FLRT1: variants seen among roughly 807,000 people sequenced by gnomAD.
FLRT1 encodes the protein leucine-rich repeat transmembrane protein FLRT1.
Under a neutral mutation model 30.9 loss-of-function variants are expected in FLRT1, and 14 were observed. That is an observed-to-expected ratio of 0.45 (90% CI 0.30 to 0.71). The LOEUF (loss-of-function observed/expected upper bound fraction) is 0.71, where lower values mean the gene tolerates loss of function less well. FLRT1 is among the 30% of genes least tolerant of loss of function. The probability of loss-of-function intolerance (pLI) is 0.08; values close to 1 mark genes in which losing one functional copy is unlikely to be tolerated. For missense variants in FLRT1, 737 were observed against 949.2 expected, an observed-to-expected ratio of 0.78 and a Z score of 2.94; for synonymous variants, 368 against 430.4, an observed-to-expected ratio of 0.85 and a Z score of 1.80.
At chr11:64,080,144 C>T (rs886658936) in intron 1 of FLRT1, among the ~76,000 whole-genome samples, 18 of 152,176 alleles carry the variant, frequency 1.2e-4, no homozygotes, top group South Asian at 1.0e-3. Flanking sequence ...TCCCGAGTAG[C>T]GGGGATTACA....
intron 1 of FLRT1, among the ~76,000 whole-genome samples, chr11:64,098,539 G>A (rs374446891): frequency 3.9e-5 from 6 of 152,238 alleles, no homozygotes; most frequent in African/African-American, 1.4e-4. Context: ...ACTGCTCTCT[G>A]CAATGGGAAA....
chr11:64,042,601 T>A (rs1410619689), intron 1 of FLRT1, among the ~76,000 whole-genome samples: 1 of 152,088 alleles, frequency 6.6e-6, no homozygotes, highest in Non-Finnish European at 1.5e-5. Context: ...TGGCCAGGCC[T>A]GTGGGGGTCT....
At chr11:64,111,726 T>C (rs1178936110) in intron 2 of FLRT1, among the ~76,000 whole-genome samples, 1 of 152,192 alleles carries the variant, frequency 6.6e-6, no homozygotes, top group Non-Finnish European at 1.5e-5. Context: ...TGAAGGCTGA[T>C]GTGTCTAGCT....
intron 1 of FLRT1, among the ~76,000 whole-genome samples, chr11:64,047,029 C>G (rs1440890164): frequency 6.6e-6 from 1 of 152,208 alleles, no homozygotes; most frequent in Non-Finnish European, 1.5e-5. Context: ...GATGCACCAG[C>G]CTCGCCCCAG....
At chr11:64,040,878 C>T (rs1353466962) in intron 1 of FLRT1, among the ~76,000 whole-genome samples, 2 of 152,072 alleles carry the variant, frequency 1.3e-5, no homozygotes, top group African/African-American at 2.4e-5. Flanking sequence ...GCCTCCCAGG[C>T]AGACCGCAGG....
At chr11:64,107,530 T>C (rs1224959853) in intron 2 of FLRT1, among the ~76,000 whole-genome samples, 1 of 147,448 alleles carries the variant, frequency 6.8e-6, no homozygotes, top group African/African-American at 2.4e-5. Context: ...TTATAGTGGA[T>C]TTGCATACCT....
chr11:64,113,823 CATGG>C (rs138768566), intron 2 of FLRT1, among the ~76,000 whole-genome samples: 14 of 113,808 alleles, frequency 1.2e-4, no homozygotes, highest in African/African-American at 4.2e-4. Flanking sequence ...CAGGTGGACG[CATGG>C]ATGGATGGAT....
chr11:64,073,196 C>T (rs1944140449), intron 1 of FLRT1, among the ~76,000 whole-genome samples: 2 of 152,226 alleles, frequency 1.3e-5, no homozygotes, highest in African/African-American at 4.8e-5. Context: ...CTGCTTCTGC[C>T]TAAGTTTACC....
chr11:64,051,318 T>TC (rs1445154756), intron 1 of FLRT1, among the ~76,000 whole-genome samples: 1 of 152,174 alleles, frequency 6.6e-6, no homozygotes, highest in Non-Finnish European at 1.5e-5. Context: ...ACACCTGCCT[T>TC]GACGGCCCTC....
At chr11:64,094,289 G>A (rs1174893960) in intron 1 of FLRT1, among the ~76,000 whole-genome samples, 6 of 152,072 alleles carry the variant, frequency 3.9e-5, no homozygotes, top group Non-Finnish European at 8.8e-5. Context: ...AAAGTTAGCC[G>A]GGCATGGTGA....
chr11:64,050,567 C>T (rs570518029), intron 1 of FLRT1, among the ~76,000 whole-genome samples: 2 of 152,196 alleles, frequency 1.3e-5, no homozygotes, highest in African/African-American at 2.4e-5. Context: ...TCCCTCACAG[C>T]GCTAAGGACA....
At chr11:64,097,853 G>A (rs1231906110) in intron 1 of FLRT1, among the ~76,000 whole-genome samples, 1 of 152,128 alleles carries the variant, frequency 6.6e-6, no homozygotes, top group Non-Finnish European at 1.5e-5. Flanking sequence ...TCAGGACCAG[G>A]CTTGGAGCCC....
At chr11:64,107,696 C>T (rs1944788034) in intron 2 of FLRT1, among the ~76,000 whole-genome samples, 1 of 152,252 alleles carries the variant, frequency 6.6e-6, no homozygotes, top group Non-Finnish European at 1.5e-5. Flanking sequence ...AGGAGCAAAG[C>T]TGTTCAGGGT....
chr11:64,117,111 A>G lies in FLRT1; in HGVS notation c.844A>G (p.Ile282Val), dbSNP rs1380390629. The G allele has an allele frequency of 1.2e-6, 2 of 1,608,402 alleles. No individual in the cohort carries two copies. The highest frequency in any genetic ancestry group is 1.1e-5 in the South Asian group (1 of 90,342). Residue 282 changes from isoleucine to valine, a missense_variant, in exon 3 of 3, where the codon ATC (isoleucine) becomes GTC (valine). By Grantham distance (29) the Ile-to-Val change is conservative. Coordinates refer to ENST00000682287, the MANE Select transcript of FLRT1 (RefSeq NM_013280.5). ...GAAGCTCTACCTGCAGGACAATGCC[A>G]TCAGCCACATCCCCTACAACACGCT... ...LQKLYLQDNAISHIPYNTLAK... is the reference protein window; with the variant it reads ...LQKLYLQDNAVSHIPYNTLAK...
intron 1 of FLRT1, among the ~76,000 whole-genome samples, chr11:64,049,321 C>T (rs1943646203): frequency 6.6e-6 from 1 of 152,208 alleles, no homozygotes; most frequent in African/African-American, 2.4e-5. Context: ...GGGGATTGAA[C>T]AGGGTCCTAC....
At chr11:64,102,060 G>A (rs1179603685) in intron 1 of FLRT1, among the ~76,000 whole-genome samples, 1 of 152,188 alleles carries the variant, frequency 6.6e-6, no homozygotes, top group Non-Finnish European at 1.5e-5. Flanking sequence ...AACGGCCTCT[G>A]ACAACAAGCA....
intron 1 of FLRT1, among the ~76,000 whole-genome samples, chr11:64,085,077 G>A (rs142121302): frequency 1.8e-4 from 27 of 152,220 alleles, no homozygotes; most frequent in Admixed American, 4.6e-4. Flanking sequence ...TCATTGCACA[G>A]ATCCCCCAAC....
intron 1 of FLRT1, among the ~76,000 whole-genome samples, chr11:64,070,803 G>T (rs992662023): frequency 6.6e-6 from 1 of 152,222 alleles, no homozygotes; most frequent in South Asian, 2.1e-4. Context: ...GGGAGACGAG[G>T]CGTGAACAAT....
In FLRT1 at chr11:64,107,690, G is replaced by A. The variant is rs529085336; in HGVS notation, c.-50+3509G>A. 2.6e-5 allele frequency among the ~76,000 whole-genome samples: 4 copies of A among 152,384 alleles called. No homozygotes were observed. The East Asian group carries it at 5.8e-4, about 22-fold the overall frequency. ...TGATACCAGTGGATGGGATCCAGGA[G>A]CAAAGCTGTTCAGGGTGATGGGTGT... On this transcript the variant is annotated intron_variant, in intron 2 of 2. Transcript: ENST00000682287.
Sources: gnomAD v4.1 joint callset for allele counts (sites outside exome capture counted in the v4.1 genomes callset) on GRCh38, gnomAD v4.1.1 for gene constraint, MANE v1.5 for transcripts, NCBI Gene and HGNC (gene_info 2026-07-23, HGNC 2026-07-21) for gene names.